KCNH8: variants seen among roughly 807,000 people sequenced by gnomAD.
KCNH8 encodes the protein potassium voltage-gated channel subfamily H member 8.
A neutral mutation model predicts 103.6 loss-of-function variants in KCNH8; 70 were observed. The observed-to-expected ratio is 0.68, with a 90% CI of 0.56 to 0.82. KCNH8 has a LOEUF of 0.82. Ranked by LOEUF, KCNH8 falls within the 40% of genes least tolerant of loss-of-function variation. The pLI, the probability that KCNH8 is intolerant of heterozygous loss-of-function variation, is 0.00. For synonymous variants in KCNH8, 498 were observed against 489.4 expected (o/e 1.02, Z -0.23); for missense variants, 1,217 against 1,329.9 (o/e 0.92, Z 1.32).
chr3:19,300,242 C>G (rs1285207725), intron 3 of KCNH8, among the ~76,000 whole-genome samples: 1 of 146,960 alleles, frequency 6.8e-6, no homozygotes, highest in Non-Finnish European at 1.5e-5. Context: ...TAGCAAGACT[C>G]TGTCTATAAA....
rs1391845061 is a variant in KCNH8, at chr3:19,445,262, G to A, written c.1376-4844G>A. Among the ~76,000 whole-genome samples, 6 of 152,038 alleles carry A rather than the reference G, an allele frequency of 3.9e-5. No individual in the cohort carries two copies. In the South Asian group the frequency reaches 1.0e-3, roughly 26 times the overall value. ...TGATTTTGTTTAGAGAAAGTTTATA[G>A]ATAGGCAAAGCTTATTAATTGTAAT... is the stretch of plus-strand genomic sequence containing the variant. On this transcript the variant is annotated intron_variant, in intron 8 of 15. Transcript: ENST00000328405.
At chr3:19,235,028 A>G (rs1467301979) in intron 1 of KCNH8, among the ~76,000 whole-genome samples, 1 of 152,230 alleles carries the variant, frequency 6.6e-6, no homozygotes, top group African/African-American at 2.4e-5. Context: ...GTTCGCGCTT[A>G]TCTCAGTGTT....
intron 2 of KCNH8, among the ~76,000 whole-genome samples, chr3:19,258,969 A>C (rs1236320176): frequency 1.5e-5 from 2 of 135,506 alleles, no homozygotes; most frequent in African/African-American, 2.7e-5. Flanking sequence ...ATATATATAT[A>C]TATATATATA....
At chr3:19,227,808 T>C (rs933963371) in intron 1 of KCNH8, among the ~76,000 whole-genome samples, 2 of 151,980 alleles carry the variant, frequency 1.3e-5, no homozygotes, top group African/African-American at 2.4e-5. Context: ...TGGTCATGAT[T>C]TGGTTGCAAG....
rs1298515951 is a variant in KCNH8 at position 19,483,848 on chromosome 3, C to G, written c.2041-26515C>G. On this transcript the variant is annotated intron_variant, in intron 11 of 15. Transcript: ENST00000328405. ...TACTAGCTCTAAGGAGTTACATTGT[C>G]CCTTAGTACAGGAAGGGCCATTTTT... Among the ~76,000 whole-genome samples the G allele has an allele frequency of 2.0e-5, 3 of 151,930 alleles. No homozygotes were observed. In the East Asian group the frequency reaches 5.8e-4, roughly 29 times the overall value.
At chr3:19,359,898 A>G (rs1349140890) in intron 5 of KCNH8, among the ~76,000 whole-genome samples, 1 of 150,648 alleles carries the variant, frequency 6.6e-6, no homozygotes, top group East Asian at 1.9e-4. Context: ...AGAGAACCAC[A>G]AGGTACTGAG....
chr3:19,503,728 T>G (rs1452969653), intron 11 of KCNH8, among the ~76,000 whole-genome samples: 1 of 129,602 alleles, frequency 7.7e-6, no homozygotes, highest in Non-Finnish European at 1.5e-5. Flanking sequence ...AATTGAACAA[T>G]GAGAACACAT....
intron 1 of KCNH8, among the ~76,000 whole-genome samples, chr3:19,212,137 C>T (rs954210188): frequency 6.6e-6 from 1 of 152,184 alleles, no homozygotes; most frequent in African/African-American, 2.4e-5. Context: ...ATAGTAATAG[C>T]TGTGGTTTAT....
intron 3 of KCNH8, among the ~76,000 whole-genome samples, chr3:19,330,833 C>T (rs969612101): frequency 6.6e-6 from 1 of 152,120 alleles, no homozygotes; most frequent in Non-Finnish European, 1.5e-5. Context: ...AGAGGATCAC[C>T]TATAGGCAAA....
chr3:19,467,625 G>A (rs1335220344), intron 11 of KCNH8, among the ~76,000 whole-genome samples: 2 of 152,086 alleles, frequency 1.3e-5, no homozygotes. Flanking sequence ...GTGGGAGTAG[G>A]AGCTGAAACA....
At chr3:19,225,871 T>C (rs2063924791) in intron 1 of KCNH8, among the ~76,000 whole-genome samples, 1 of 152,218 alleles carries the variant, frequency 6.6e-6, no homozygotes, top group Non-Finnish European at 1.5e-5. Flanking sequence ...GATATTTTCC[T>C]CCATAAGCTA....
At chr3:19,420,368 A>G in intron 7 of KCNH8, among the ~76,000 whole-genome samples, 1 of 152,204 alleles carries the variant, frequency 6.6e-6, no homozygotes, top group East Asian at 1.9e-4. Flanking sequence ...GCTGATGGTC[A>G]GGGATTAAAG....
chr3:19,184,611 C>T (rs933044152), intron 1 of KCNH8, among the ~76,000 whole-genome samples: 3 of 151,756 alleles, frequency 2.0e-5, no homozygotes, highest in African/African-American at 7.3e-5. Flanking sequence ...AAGTTAAATT[C>T]TATTGTAGTT....
chr3:19,250,286 C>T (rs1248345317), intron 1 of KCNH8, among the ~76,000 whole-genome samples: 1 of 151,760 alleles, frequency 6.6e-6, no homozygotes, highest in Non-Finnish European at 1.5e-5. Flanking sequence ...AATGACAAAA[C>T]ATAGTGAAGA....
intron 7 of KCNH8, among the ~76,000 whole-genome samples, chr3:19,427,431 G>A (rs558229740): frequency 1.3e-5 from 2 of 152,122 alleles, no homozygotes; most frequent in South Asian, 2.1e-4. Flanking sequence ...TGAATGGTAT[G>A]GTTAAAATGT....
chr3:19,480,105 G>A (rs1357278467), intron 11 of KCNH8, among the ~76,000 whole-genome samples: 1 of 152,094 alleles, frequency 6.6e-6, no homozygotes, highest in Admixed American at 6.5e-5. Context: ...TGTAAATTCT[G>A]ACCTATGCAC....
chr3:19,418,912 G>C (rs985910095), intron 7 of KCNH8, among the ~76,000 whole-genome samples: 3 of 152,082 alleles, frequency 2.0e-5, no homozygotes, highest in Admixed American at 6.5e-5. Flanking sequence ...GGTATTCTCT[G>C]TTATACTAAT....
chr3:19,485,454 G>A (rs555357416), intron 11 of KCNH8, among the ~76,000 whole-genome samples: 1 of 152,298 alleles, frequency 6.6e-6, no homozygotes, highest in East Asian at 1.9e-4. Context: ...TTTGGCAAGG[G>A]CTGGCAAATG....
chr3:19,278,210 G>A (rs1198470571), intron 2 of KCNH8, among the ~76,000 whole-genome samples: 2 of 152,108 alleles, frequency 1.3e-5, no homozygotes, highest in African/African-American at 2.4e-5. Flanking sequence ...AGCATGCTAA[G>A]TATAAAGAGT....
Sources: allele counts gnomAD v4.1 joint callset (sites outside exome capture counted in the v4.1 genomes callset), GRCh38; gene constraint gnomAD v4.1.1; transcripts MANE v1.5; gene names NCBI Gene and HGNC (gene_info 2026-07-23, HGNC 2026-07-21).